The following KIF1A variants were observed in gnomAD, a reference collection of about 807,000 sequenced individuals.
The protein encoded by KIF1A is kinesin-like protein KIF1A.
KIF1A carries 46 observed loss-of-function variants against 227.3 expected under a neutral mutation model. The ratio of observed to expected loss-of-function variants is 0.20; its 90% CI spans 0.16 to 0.26. The LOEUF is 0.26. KIF1A is among the 10% of genes least tolerant of loss of function. The probability of loss-of-function intolerance (pLI) is 1.00; values close to 1 mark genes in which losing one functional copy is unlikely to be tolerated. For synonymous variants in KIF1A, 1,022 were observed against 1,012.8 expected (o/e 1.01, Z -0.17); for missense variants, 1,683 against 2,485.9 (o/e 0.68, Z 6.87).
chr2:240,769,350 T>G, intron 16 of KIF1A, 142 bp from the exon 17 acceptor site: 2 of 708,770 alleles, frequency 2.8e-6, no homozygotes, highest in Non-Finnish European at 4.8e-6. Context: ...GGTCACTGGG[T>G]TAGGGCATCT....
chr2:240,805,061 GAGGGAGAGGGC>G (rs1321102427), intron 1 of KIF1A, among the ~76,000 whole-genome samples: 61 of 50,118 alleles, frequency 1.2e-3, no homozygotes, highest in African/African-American at 4.1e-3. Context: ...AGGGAGAGGG[GAGGGAGAGGGC>G]AGGGAGAGGG....
chr2:240,724,291 G>C, intron 40 of KIF1A: 1 of 536,874 alleles, frequency 1.9e-6, no homozygotes, highest in Non-Finnish European at 3.4e-6. Flanking sequence ...GGCCCCCACA[G>C]CAGCCTCCAC....
At position 240,797,608 on chromosome 2, in the gene KIF1A, C is replaced by T. The variant is rs1414178597; in HGVS notation, c.106+39G>A. Reference sequence around the variant, plus strand: ...GGCACAGGACCATGGCCCCCAGCAACCCATGGCCGACCCCGATGCTGTGCA... The same window carrying T: ...GGCACAGGACCATGGCCCCCAGCAATCCATGGCCGACCCCGATGCTGTGCA... On this transcript the variant is annotated intron_variant, in intron 2 of 48. Coordinates refer to ENST00000498729, the MANE Select transcript of KIF1A (RefSeq NM_001244008.2). 6.9e-6 allele frequency: 10 copies of T among 1,451,618 alleles called. No individual in the cohort carries two copies. In the East Asian group the frequency reaches 2.1e-4, roughly 30 times the overall value. 89.9% of individuals were successfully genotyped at this position (1,451,618 alleles called of 1,614,324 possible).
intron 14 of KIF1A, 41 bp downstream of exon 14, chr2:240,772,529 C>G (rs1426874828): frequency 6.5e-7 from 1 of 1,534,538 alleles, no homozygotes. Flanking sequence ...CTGGCTGGGG[C>G]TGGAAGCAGA....
chr2:240,722,602 G>C lies in KIF1A; in HGVS notation c.4519C>G (p.Arg1507Gly). The part of the protein sequence containing the change: ...LLREKLETAQ[R>G]PVPEALSPAF... ...GGGGACAGTGCCTCCGGGACAGGCC[G>C]CTGGGCGGTCTCCAGCTTCTCCCGC... Residue 1507 changes from arginine (R) to glycine (G), a missense_variant, in exon 43 of 49, where the codon CGG becomes GGG. Around this residue, in one of 12 missense-constraint regions of KIF1A, gnomAD observed 384 missense variants for 410.1 expected, o/e 0.94. Coordinates refer to ENST00000498729, the MANE Select transcript of KIF1A (RefSeq NM_001244008.2). The C allele has an allele frequency of 1.3e-6, 2 of 1,564,516 alleles. No homozygotes were observed. Among genetic ancestry groups the C allele is most frequent in the Non-Finnish European group, 1.7e-6 (2 of 1,154,326 alleles).
At chr2:240,723,275 C>T (rs2045624470) in intron 42 of KIF1A, 138 bp downstream of exon 42, 1 of 755,976 alleles carries the variant, frequency 1.3e-6, no homozygotes, top group African/African-American at 1.8e-5. Flanking sequence ...CATGCTCCTC[C>T]TGCAGGTGGC....
Position 240,785,190 on chromosome 2 carries a change from C to T in KIF1A, c.609-90G>A, listed in dbSNP as rs958498021. On this transcript the variant is annotated intron_variant, in intron 6 of 48. Coordinates refer to ENST00000498729, the MANE Select transcript of KIF1A (RefSeq NM_001244008.2). ...GTGCCAGCCCTCTGAACCAGGTCAT[C>T]GGGGGGGGCAGTTCCCCCAGACCCC... The T allele has an allele frequency of 7.7e-6, 8 of 1,040,246 alleles. No homozygotes were observed. In the South Asian group the frequency reaches 8.5e-5, roughly 11 times the overall value. 64.4% of individuals were successfully genotyped at this position (1,040,246 alleles called of 1,614,324 possible).
At chr2:240,772,332 C>T (rs1421235410) in intron 14 of KIF1A, among the ~76,000 whole-genome samples, 1 of 152,194 alleles carries the variant, frequency 6.6e-6, no homozygotes, top group African/African-American at 2.4e-5. Flanking sequence ...TTTGGTTTCT[C>T]ATGTAGACCA....
rs1466500988 is a variant in KIF1A, at chr2:240,790,042, A to C, written c.107-730T>G. Among the ~76,000 whole-genome samples the C allele has an allele frequency of 6.6e-6, 1 of 151,942 alleles. No homozygotes were observed. Among genetic ancestry groups the C allele is most frequent in the African/African-American group, 2.4e-5 (1 of 41,352 alleles). ...TATGAGTGTCCCAGGAGCTCCTCCC[A>C]CCCACACAGCCTGCAAGTATCTCAG... On this transcript the variant is annotated intron_variant, in intron 2 of 48. Transcript: ENST00000498729. This position sits in a 1 kb window ranked among gnomAD's most constrained non-coding sequence, Gnocchi z 5.0.
chr2:240,785,718 C>T (rs1283907071), intron 6 of KIF1A, among the ~76,000 whole-genome samples: 1 of 152,232 alleles, frequency 6.6e-6, no homozygotes, highest in Non-Finnish European at 1.5e-5. Flanking sequence ...CTGTGGGCCT[C>T]ATCAGGAACA....
At chr2:240,813,019 T>TTCACCTCAAGGATCC (rs2058056753) in intron 1 of KIF1A, among the ~76,000 whole-genome samples, 1 of 31,976 alleles carries the variant, frequency 3.1e-5, no homozygotes, top group Non-Finnish European at 9.8e-5. Context: ...CTCGGGGATC[T>TTCACCTCAAGGATCC]GCCTTCACCT....
At chr2:240,755,206 C>A (rs1036724905) in intron 27 of KIF1A, among the ~76,000 whole-genome samples, 8 of 152,228 alleles carry the variant, frequency 5.3e-5, no homozygotes, top group African/African-American at 1.9e-4. Flanking sequence ...CTGACCCTGG[C>A]CTTGGGTGAG....
intron 38 of KIF1A, among the ~76,000 whole-genome samples, chr2:240,727,378 G>A (rs1488639988): frequency 6.6e-6 from 1 of 152,162 alleles, no homozygotes; most frequent in Non-Finnish European, 1.5e-5. Flanking sequence ...AGGCAGGGAG[G>A]GAGAGGGCAG....
chr2:240,786,946 A>G (rs1382617274), intron 5 of KIF1A, among the ~76,000 whole-genome samples: 1 of 152,008 alleles, frequency 6.6e-6, no homozygotes, highest in Non-Finnish European at 1.5e-5. Flanking sequence ...GGACACACAC[A>G]TGCCAGGGCC....
At chr2:240,731,908 G>C (rs1222737080) in intron 38 of KIF1A, among the ~76,000 whole-genome samples, 1 of 119,944 alleles carries the variant, frequency 8.3e-6, no homozygotes. Context: ...GAGGAGGGGA[G>C]GAGGGGAGGA....
Position 240,766,920 on chromosome 2 carries a change from C to A in KIF1A, c.1679G>T (p.Ser560Ile). Reference protein sequence around the residue: ...CVFRSDSRGGSEAVVTLEPCE... With the variant: ...CVFRSDSRGGIEAVVTLEPCE... ...GGACGGTAGGGTGGTGATACCTTCGCTGCCTCCCCTGGAGTCGCTCCGGAA... is the reference window on the plus strand; with the variant it reads ...GGACGGTAGGGTGGTGATACCTTCGATGCCTCCCCTGGAGTCGCTCCGGAA... Residue 560 changes from serine (S) to isoleucine (I), a missense_variant, in exon 19 of 49, where the codon AGC becomes ATC. Ser to Ile is a moderately radical substitution (Grantham distance 142). Transcript: ENST00000498729. This position sits in a 1 kb window ranked among gnomAD's most constrained non-coding sequence, Gnocchi z 5.0. 6.2e-7 allele frequency: 1 copy of A among 1,607,378 alleles called. No individual in the cohort carries two copies. Among genetic ancestry groups the A allele is most frequent in the Non-Finnish European group, 8.5e-7 (1 of 1,176,772 alleles).
intron 1 of KIF1A, among the ~76,000 whole-genome samples, chr2:240,808,476 T>C (rs368680281): frequency 4.8e-4 from 72 of 150,798 alleles, no homozygotes; most frequent in African/African-American, 1.7e-3. Flanking sequence ...CTGAGCAACA[T>C]AGCAAGACCC....
chr2:240,720,379 G>A (rs1326122469), intron 45 of KIF1A: 2 of 161,130 alleles, frequency 1.2e-5, no homozygotes, highest in African/African-American at 4.8e-5. Context: ...CGACCTGGTG[G>A]TCAAGGAGGC....
In KIF1A at chr2:240,726,659, G is replaced by A. The variant is rs898761217; in HGVS notation, c.4122+167C>T. On this transcript the variant is annotated intron_variant, in intron 39 of 48. Coordinates refer to ENST00000498729, the MANE Select transcript of KIF1A (RefSeq NM_001244008.2). This position sits in a 1 kb window ranked among gnomAD's most constrained non-coding sequence, Gnocchi z 5.2. ...TTTATGGATTTATGGATTCAACCTT[G>A]CAGTCCAGTTTTTGTTTTTGTTTTT... 1.3e-5 allele frequency among the ~76,000 whole-genome samples: 2 copies of A among 152,120 alleles called. No homozygotes were observed. Among genetic ancestry groups the A allele is most frequent in the Admixed American group, 6.6e-5 (1 of 15,262 alleles).
Sources: gnomAD v4.1 joint callset for allele counts (sites outside exome capture counted in the v4.1 genomes callset) on GRCh38, gnomAD v4.1.1 for gene constraint, gnomAD v4.1.1 regional missense constraint, Gnocchi (gnomAD v3.1) non-coding constraint, MANE v1.5 for transcripts, NCBI Gene and HGNC (gene_info 2026-07-23, HGNC 2026-07-21) for gene names.